TRIM48: variants seen among roughly 807,000 people sequenced by gnomAD.
TRIM48 encodes tripartite motif containing 48, also known as E3 ubiquitin-protein ligase TRIM48.
A neutral mutation model predicts 29.5 loss-of-function variants in TRIM48; 31 were observed. The observed-to-expected ratio is 1.05, with a 90% CI of 0.79 to 1.42. TRIM48 has a LOEUF of 1.42. Among genes scored for constraint, TRIM48 ranks in the 40% most tolerant of loss-of-function variants. TRIM48 has a pLI of 0.00. For missense variants in TRIM48, 344 were observed against 265.0 expected, an observed-to-expected ratio of 1.30 and a Z score of -2.07; for synonymous variants, 128 against 90.6, an observed-to-expected ratio of 1.41 and a Z score of -2.34.
chr11:55,268,942 C>A (rs1302689356), intron 4 of TRIM48, among the ~76,000 whole-genome samples: 1 of 147,472 alleles, frequency 6.8e-6, no homozygotes, highest in Non-Finnish European at 1.5e-5. Flanking sequence ...GGGGAGTCTG[C>A]CAAGAAGTGG....
In TRIM48 at chr11:55,265,268, G is replaced by T. The variant is rs147504341; in HGVS notation, c.413G>T (p.Arg138Leu). The change falls in exon 2 of 6, where the codon CGG (arginine) becomes CTG (leucine). Residue 138 changes from arginine (R) to leucine (L), a missense_variant. By Grantham distance (102) the Arg-to-Leu change is moderately radical (BLOSUM62 -2). Transcript: ENST00000417545. ...CLLCSSSQEH[R>L]YHRHCPAEWA... Reference sequence around the variant, plus strand: ...CTGTGCTCCAGCTCTCAGGAGCACCGGTATCACAGACACTGTCCCGCTGAG... The same window carrying T: ...CTGTGCTCCAGCTCTCAGGAGCACCTGTATCACAGACACTGTCCCGCTGAG... 1.3e-6 allele frequency: 2 copies of T among 1,582,174 alleles called. No individual in the cohort carries two copies. Among genetic ancestry groups the T allele is most frequent in the Non-Finnish European group, 1.7e-6 (2 of 1,166,102 alleles).
At chr11:55,268,803 C>A (rs1857432971) in intron 4 of TRIM48, among the ~76,000 whole-genome samples, 1 of 147,748 alleles carries the variant, frequency 6.8e-6, no homozygotes, top group East Asian at 2.2e-4. Context: ...CTGTATAAGT[C>A]TCTAGGGAAG....
chr11:55,268,331 C>T lies in TRIM48; in HGVS notation c.556-19C>T. 6.7e-7 allele frequency: 1 copy of T among 1,494,776 alleles called. No individual in the cohort carries two copies. Among genetic ancestry groups the T allele is most frequent in the Non-Finnish European group, 9.1e-7 (1 of 1,101,950 alleles). The allele number at this position is 1,494,776 out of a possible 1,614,324, so 92.6% of individuals were successfully genotyped here. On this transcript the variant is annotated intron_variant, in intron 3 of 5. Transcript: ENST00000417545. ...ATCTTGTGAACTGCACTAAATCTTT[C>T]TATTTTTTTTTTTTACAGGCTTTTG...
chr11:55,265,685 G>A lies in TRIM48; in HGVS notation c.545G>A (p.Ser182Asn). ...RNLNVETTRI[S>N]HWKAFGDILY... Reference sequence around the variant, plus strand: ...CTGAATGTGGAAACCACCAGAATCAGCCACTGGAAGGTTAGTCCTGTAATA... The same window carrying A: ...CTGAATGTGGAAACCACCAGAATCAACCACTGGAAGGTTAGTCCTGTAATA... The change falls in exon 3 of 6, where the codon AGC becomes AAC. Residue 182 changes from serine to asparagine, a missense_variant. Ser to Asn is a conservative substitution (Grantham distance 46, BLOSUM62 1). Coordinates refer to ENST00000417545, the MANE Select transcript of TRIM48 (RefSeq NM_024114.5). 6.3e-7 allele frequency: 1 copy of A among 1,580,110 alleles called. No homozygotes were observed. The highest frequency in any genetic ancestry group is 8.6e-7 in the Non-Finnish European group (1 of 1,164,592).
intron 1 of TRIM48, among the ~76,000 whole-genome samples, chr11:55,262,950 C>T (rs1456910814): frequency 2.6e-5 from 4 of 152,024 alleles, no homozygotes; most frequent in African/African-American, 7.2e-5. Flanking sequence ...TTTTTCATTG[C>T]TTTCACTAAA....
Position 55,262,234 on chromosome 11 carries a change from G to T in TRIM48, c.-34G>T, listed in dbSNP as rs1248884966. On this transcript the variant is annotated 5_prime_UTR_variant, in exon 1 of 6. An upstream start codon of the reference 5' UTR is lost. Transcript: ENST00000417545. ...TCTGAAACTCAGTACTGCAGCGAATGAGCTCCTGACCTTGAGGAGTACTTA... is the reference window on the plus strand; with the variant it reads ...TCTGAAACTCAGTACTGCAGCGAATTAGCTCCTGACCTTGAGGAGTACTTA... The T allele has an allele frequency of 4.5e-6, 7 of 1,541,434 alleles. No individual in the cohort carries two copies. Among genetic ancestry groups the T allele is most frequent in the Non-Finnish European group, 6.1e-6 (7 of 1,139,588 alleles).
In TRIM48 at chr11:55,265,913, T is replaced by G. The variant is rs2120106986; in HGVS notation, c.555+218T>G. Reference sequence around the variant, plus strand: ...AAAACCGTTGATGTTACCCAAAGCATGCTGATTTGTTTTCATACAAACCTG... The same window carrying G: ...AAAACCGTTGATGTTACCCAAAGCAGGCTGATTTGTTTTCATACAAACCTG... On this transcript the variant is annotated intron_variant, in intron 3 of 5. Coordinates refer to ENST00000417545, the MANE Select transcript of TRIM48 (RefSeq NM_024114.5). Among the ~76,000 whole-genome samples the G allele has an allele frequency of 1.4e-5, 2 of 147,526 alleles. 1 individual carries two copies. Among genetic ancestry groups the G allele is most frequent in the East Asian group, 4.3e-4 (2 of 4,636 alleles).
chr11:55,268,969 T>C (rs1211734152), intron 4 of TRIM48, among the ~76,000 whole-genome samples: 1 of 147,922 alleles, frequency 6.8e-6, no homozygotes, highest in Non-Finnish European at 1.5e-5. Context: ...GAATTTCGTT[T>C]CTAAATATTC....
chr11:55,270,143 T>C (rs996825949), intron 5 of TRIM48, among the ~76,000 whole-genome samples: 13 of 148,262 alleles, frequency 8.8e-5, no homozygotes, highest in Non-Finnish European at 1.6e-4. Flanking sequence ...TTAGGGCGTA[T>C]AATGTGCAAA....
Position 55,269,149 on chromosome 11 carries a change from A to G in TRIM48, c.579-93A>G, listed in dbSNP as rs1456011599. ...TTTGAATTATCAAATTTGTGGGTTC[A>G]AAGGATTCTCATGAAATGTCTTTTA... On this transcript the variant is annotated intron_variant, in intron 4 of 5. Transcript: ENST00000417545. 5.5e-6 allele frequency: 8 copies of G among 1,467,864 alleles called. 1 individual carries two copies. Among genetic ancestry groups the G allele is most frequent in the Non-Finnish European group, 7.3e-6 (8 of 1,096,820 alleles). The allele number at this position is 1,467,864 out of a possible 1,614,324, so 90.9% of individuals were successfully genotyped here. A position where few individuals can be genotyped will look rare whatever the true frequency, so the allele number is the denominator to read the frequency against.
chr11:55,269,516 A>T (rs1232483596), intron 5 of TRIM48, among the ~76,000 whole-genome samples, 177 bp downstream of exon 5: 1 of 148,274 alleles, frequency 6.7e-6, no homozygotes, highest in Non-Finnish European at 1.5e-5. Flanking sequence ...TAGCATTAAG[A>T]TTGAAAGATA....
chr11:55,267,736 T>C lies in TRIM48; in HGVS notation c.556-614T>C, dbSNP rs1857415054. ...CATCTCCCTACCTTTATTTCCATGA[T>C]GTGTTTCCAAAAACACATTCGCATA... On this transcript the variant is annotated intron_variant, in intron 3 of 5. Transcript: ENST00000417545. 1.1e-5 allele frequency: 17 copies of C among 1,491,870 alleles called. 2 individuals carry two copies. The Middle Eastern group carries it at 1.3e-3, about 114-fold the overall frequency. The allele number at this position is 1,491,870 out of a possible 1,614,324, so 92.4% of individuals were successfully genotyped here.
Position 55,270,557 on chromosome 11 carries a change from G to A in TRIM48, c.*122G>A, listed in dbSNP as rs568366179. The A allele has an allele frequency of 1.9e-4, 293 of 1,583,404 alleles. 64 individuals are homozygous for A. The South Asian group carries it at 3.4e-3, about 18-fold the overall frequency. The stretch of plus-strand genomic sequence containing the variant: ...CCCCATATCACTGCAACACCTACAA[G>A]TTTTCTTGCATGGGGTGCTCAGACT... On this transcript the variant is annotated 3_prime_UTR_variant, in exon 6 of 6. Coordinates refer to ENST00000417545, the MANE Select transcript of TRIM48 (RefSeq NM_024114.5).
At chr11:55,269,420 T>C (rs1467847445) in intron 5 of TRIM48, 81 bp downstream of exon 5, 1 of 1,490,698 alleles carries the variant, frequency 6.7e-7, no homozygotes, top group East Asian at 2.6e-5. Flanking sequence ...TTTCATCCTT[T>C]ATCAAATATT....
Position 55,262,327 on chromosome 11 carries a change from A to G in TRIM48, c.44+16A>G. The G allele has an allele frequency of 6.6e-7, 1 of 1,518,570 alleles. No homozygotes were observed. Among genetic ancestry groups the G allele is most frequent in the Non-Finnish European group, 8.9e-7 (1 of 1,119,016 alleles). The allele number at this position is 1,518,570 out of a possible 1,614,324, so 94.1% of individuals were successfully genotyped here. On this transcript the variant is annotated intron_variant, in intron 1 of 5. Transcript: ENST00000417545. ...GAACCCAGCGGTGAGTGAAACTTAT[A>G]TTGATAAAATTATATCTTCTTTCCT...
chr11:55,271,033 CGGTTTTATGT>C lies in TRIM48; in HGVS notation c.*599_*608del, dbSNP rs1857478666. Reference sequence around the variant, plus strand: ...CCTTATCAAACAGGACAAATAGGTTCGGTTTTATGTCTTGAATTGCATTCTAATGTTATTA... The same window carrying C: ...CCTTATCAAACAGGACAAATAGGTTCCTTGAATTGCATTCTAATGTTATTA... On this transcript the variant is annotated 3_prime_UTR_variant, in exon 6 of 6. Coordinates refer to ENST00000417545, the MANE Select transcript of TRIM48 (RefSeq NM_024114.5). 7.0e-7 allele frequency: 1 copy of C among 1,430,726 alleles called. No individual in the cohort carries two copies. The highest frequency in any genetic ancestry group is 1.4e-5 in the African/African-American group (1 of 69,280). The allele number at this position is 1,430,726 out of a possible 1,614,324, so 88.6% of individuals were successfully genotyped here.
intron 1 of TRIM48, among the ~76,000 whole-genome samples, chr11:55,264,626 T>A (rs1307116155): frequency 6.8e-6 from 1 of 147,908 alleles, no homozygotes; most frequent in Non-Finnish European, 1.5e-5. Flanking sequence ...CAGATCCACA[T>A]TCAGAAAAAA....
In TRIM48 at chr11:55,263,801, G is replaced by A. The variant is rs376814881; in HGVS notation, c.45-1099G>A. 8.1e-4 allele frequency among the ~76,000 whole-genome samples: 124 copies of A among 152,298 alleles called. No individual in the cohort carries two copies. The South Asian group carries it at 9.9e-3, about 12-fold the overall frequency. ...TGGAGTCTGAGCAGTTCCAAATATA[G>A]GCTGTCTTTAAGCTGATGTAGTGAG... On this transcript the variant is annotated intron_variant, in intron 1 of 5. Coordinates refer to ENST00000417545, the MANE Select transcript of TRIM48 (RefSeq NM_024114.5).
chr11:55,262,452 T>A, intron 1 of TRIM48, 141 bp downstream of exon 1: 3 of 701,330 alleles, frequency 4.3e-6, no homozygotes, highest in Non-Finnish European at 4.8e-6. Flanking sequence ...ATTTTATGAA[T>A]TATGAGGATA....
Sources: gnomAD v4.1 joint callset for allele counts (sites outside exome capture counted in the v4.1 genomes callset) on GRCh38, gnomAD v4.1.1 for gene constraint, MANE v1.5 for transcripts, NCBI Gene and HGNC (gene_info 2026-07-23, HGNC 2026-07-21) for gene names.